The following SOCS4 variants were observed in gnomAD, a reference collection of about 807,000 sequenced individuals.
SOCS4 encodes the protein suppressor of cytokine signaling 4, also known as SH2 domain containing SOCS box protein.
In SOCS4, 20 loss-of-function variants were observed where a neutral mutation model predicts 34.1. That is an observed-to-expected ratio of 0.59 (90% CI 0.41 to 0.85). SOCS4 has a LOEUF of 0.85. Among genes scored for constraint, SOCS4 ranks in the 40% least tolerant of loss-of-function variants. The pLI, the probability that SOCS4 is intolerant of heterozygous loss-of-function variation, is 0.00. For synonymous variants in SOCS4, 180 were observed against 186.4 expected (o/e 0.97, Z 0.28); for missense variants, 479 against 532.4 (o/e 0.90, Z 0.99).
At chr14:55,042,852 A>G (rs1315476102) in intron 2 of SOCS4, 100 bp from the exon 3 acceptor site, 1 of 543,884 alleles carries the variant, frequency 1.8e-6, no homozygotes, top group Non-Finnish European at 3.2e-6. Flanking sequence ...TTTTTCATGT[A>G]CTAACTGTGC....
rs549701733 is a variant in SOCS4 at position 55,035,433 on chromosome 14, A to C, written c.-91+3442A>C. Among the ~76,000 whole-genome samples the C allele has an allele frequency of 2.0e-5, 3 of 152,300 alleles. No individual in the cohort carries two copies. The South Asian group carries it at 6.2e-4, about 32-fold the overall frequency. On this transcript the variant is annotated intron_variant, in intron 2 of 2. Transcript: ENST00000555846. ...TCTATGAGTTTCACCTGTATCTGAC[A>C]TGTGGATCCTTTTTCACTTTGAAAC...
At chr14:55,038,397 T>A (rs2042590923) in intron 2 of SOCS4, among the ~76,000 whole-genome samples, 1 of 152,220 alleles carries the variant, frequency 6.6e-6, no homozygotes. Context: ...TGTGGATATG[T>A]GTGCTTCACT....
chr14:55,029,868 A>G (rs1566752258), intron 1 of SOCS4, among the ~76,000 whole-genome samples: 1 of 152,186 alleles, frequency 6.6e-6, no homozygotes, highest in East Asian at 1.9e-4. Context: ...ATAAAAGGCA[A>G]TACAGTAAAA....
chr14:55,041,931 A>T (rs1471713753), intron 2 of SOCS4, among the ~76,000 whole-genome samples: 1 of 151,034 alleles, frequency 6.6e-6, no homozygotes, highest in Non-Finnish European at 1.5e-5. Flanking sequence ...AGCTGGGATT[A>T]CAGGCGTGCG....
chr14:55,029,308 G>A (rs1254782037), intron 1 of SOCS4, among the ~76,000 whole-genome samples: 1 of 152,148 alleles, frequency 6.6e-6, no homozygotes, highest in African/African-American at 2.4e-5. Flanking sequence ...ACTGATAGGA[G>A]TATCAAAAAT....
intron 1 of SOCS4, among the ~76,000 whole-genome samples, chr14:55,031,302 G>A (rs1047822106): frequency 2.0e-5 from 3 of 152,036 alleles, no homozygotes; most frequent in Non-Finnish European, 4.4e-5. Context: ...CTTATCTTTA[G>A]CTAATAAGCT....
chr14:55,044,195 TC>T lies in SOCS4; in HGVS notation c.1157del (p.Pro386LeufsTer30), dbSNP rs867122587. 1.9e-6 allele frequency: 3 copies of T among 1,613,984 alleles called. No homozygotes were observed. Among genetic ancestry groups the T allele is most frequent in the African/African-American group, 1.3e-5 (1 of 74,920 alleles). Reference protein sequence around the residue: ...PLLSTPLIRTFPFSLQHICRT... With the variant: ...PLLSTPLIRTXPFSLQHICRT... The stretch of plus-strand genomic sequence containing the variant: ...CTATCCACTCCCTTAATTCGGACTT[TC>T]CCTTTTTCCCTGCAGCATATATGCA... On this transcript the variant is annotated frameshift_variant, in exon 3 of 3. Coordinates refer to ENST00000555846, the MANE Select transcript of SOCS4 (RefSeq NM_199421.2). LOFTEE classifies it high-confidence loss of function.
intron 2 of SOCS4, among the ~76,000 whole-genome samples, chr14:55,035,131 G>T (rs1025704427): frequency 6.6e-6 from 1 of 152,164 alleles, no homozygotes. Flanking sequence ...AAAGTACTGG[G>T]ATTACAGACA....
chr14:55,043,772 GAAAC>G lies in SOCS4; in HGVS notation c.736_739del (p.Lys246ProfsTer44), dbSNP rs755412527. On this transcript the variant is annotated frameshift_variant, in exon 3 of 3. Coordinates refer to ENST00000555846, the MANE Select transcript of SOCS4 (RefSeq NM_199421.2). LOFTEE classifies it high-confidence loss of function. ...ACACTTTGCACAAGTTCCAGAAAAA[GAAAC>G]AAACCCAAATGGGATTTGGATGATG... is the stretch of plus-strand genomic sequence containing the variant. 1.1e-5 allele frequency: 17 copies of G among 1,613,934 alleles called. No homozygotes were observed. The highest frequency in any genetic ancestry group is 1.1e-5 in the Non-Finnish European group (13 of 1,180,016).
chr14:55,031,372 C>A (rs896138225), intron 1 of SOCS4, among the ~76,000 whole-genome samples: 11 of 152,170 alleles, frequency 7.2e-5, no homozygotes, highest in Non-Finnish European at 1.3e-4. Flanking sequence ...AACTTTCTTC[C>A]ACAAAAGGAT....
At position 55,043,889 on chromosome 14, in the gene SOCS4, A is replaced by G. The variant is rs1251004743; in HGVS notation, c.848A>G (p.Asn283Ser). The G allele has an allele frequency of 6.2e-7, 1 of 1,614,060 alleles. No individual in the cohort carries two copies. Among genetic ancestry groups the G allele is most frequent in the Non-Finnish European group, 8.5e-7 (1 of 1,180,028 alleles). The change falls in exon 3 of 3, where the codon AAC (asparagine) becomes AGC (serine). Residue 283 changes from asparagine to serine, a missense_variant. By Grantham distance (46) the Asn-to-Ser change is conservative (BLOSUM62 1). Transcript: ENST00000555846. ...CLVPDLLQIN[N>S]NPCYWGVMDK... is the part of the protein sequence containing the mutation. ...GTACCAGACCTCCTTCAGATCAATA[A>G]CAACCCATGTTACTGGGGAGTGATG...
At chr14:55,040,855 A>G (rs893583180) in intron 2 of SOCS4, among the ~76,000 whole-genome samples, 3 of 151,436 alleles carry the variant, frequency 2.0e-5, no homozygotes, top group Non-Finnish European at 4.4e-5. Flanking sequence ...ACCCATGGAT[A>G]TGGAGGGCTG....
chr14:55,034,177 A>G (rs2042552248), intron 2 of SOCS4, among the ~76,000 whole-genome samples: 1 of 152,200 alleles, frequency 6.6e-6, no homozygotes. Flanking sequence ...GAAAGTTAAT[A>G]AAGAAATGGA....
Position 55,044,995 on chromosome 14 carries a change from T to C in SOCS4, c.*631T>C, listed in dbSNP as rs2042661811. 6.0e-6 allele frequency: 1 copy of C among 167,020 alleles called. No individual in the cohort carries two copies. Among genetic ancestry groups the C allele is most frequent in the African/African-American group, 2.4e-5 (1 of 41,458 alleles). The allele number at this position is 167,020 out of a possible 1,614,324, so 10.3% of individuals were successfully genotyped here. A position where few individuals can be genotyped will look rare whatever the true frequency, so the allele number is the denominator to read the frequency against. On this transcript the variant is annotated 3_prime_UTR_variant, in exon 3 of 3. Coordinates refer to ENST00000555846, the MANE Select transcript of SOCS4 (RefSeq NM_199421.2). ...AATATTAACTCTAAAGCAGGATTAC[T>C]AAATTTGATTAATCTGGTCAATGAG...
rs1310583981 is a variant in SOCS4 at position 55,043,388 on chromosome 14, T to C, written c.347T>C (p.Leu116Pro). The change falls in exon 3 of 3, where the codon CTT becomes CCT. Residue 116 changes from leucine to proline, a missense_variant. Coordinates refer to ENST00000555846, the MANE Select transcript of SOCS4 (RefSeq NM_199421.2). ...TGTAGTAGTCGGCACTCTTCAGGGC[T>C]TCCGTCTAAAAGGAAAATTCATATC... ...KNCSSRHSSG[L>P]PSKRKIHISE... 6.2e-7 allele frequency: 1 copy of C among 1,614,210 alleles called. No homozygotes were observed. The highest frequency in any genetic ancestry group is 8.5e-7 in the Non-Finnish European group (1 of 1,180,046).
At chr14:55,033,789 A>G (rs2042548742) in intron 2 of SOCS4, among the ~76,000 whole-genome samples, 1 of 152,260 alleles carries the variant, frequency 6.6e-6, no homozygotes, top group Non-Finnish European at 1.5e-5. Context: ...AAAGTATTTT[A>G]AAGATTCTCT....
In SOCS4 at chr14:55,043,250, G is replaced by A. The variant is rs2140249239; in HGVS notation, c.209G>A (p.Ser70Asn). The A allele has an allele frequency of 6.2e-7, 1 of 1,614,236 alleles. No homozygotes were observed. The highest frequency in any genetic ancestry group is 8.5e-7 in the Non-Finnish European group (1 of 1,180,042). The change falls in exon 3 of 3, where the codon AGC becomes AAC. Residue 70 changes from serine to asparagine, a missense_variant. Physicochemically the swap from Ser to Asn is conservative, Grantham distance 46. Coordinates refer to ENST00000555846, the MANE Select transcript of SOCS4 (RefSeq NM_199421.2). ...TTAAGGAACCAAGAAAGGAAGCACAGCTGTTCATCCATTGAGTTGGACTTA... is the reference window on the plus strand; with the variant it reads ...TTAAGGAACCAAGAAAGGAAGCACAACTGTTCATCCATTGAGTTGGACTTA... ...VSLRNQERKH[S>N]CSSIELDLDH...
Position 55,043,994 on chromosome 14 carries a change from A to G in SOCS4, c.953A>G (p.Tyr318Cys), listed in dbSNP as rs763248400. The G allele has an allele frequency of 3.1e-6, 5 of 1,614,132 alleles. No individual in the cohort carries two copies. Among genetic ancestry groups the G allele is most frequent in the South Asian group, 2.2e-5 (2 of 91,080 alleles). ...CTTCGAGACTCAGCACAGGAAGACTATTTATTCTCTGTTAGTTTTAGACGC... is the reference window on the plus strand; with the variant it reads ...CTTCGAGACTCAGCACAGGAAGACTGTTTATTCTCTGTTAGTTTTAGACGC... Reference protein sequence around the residue: ...FLLRDSAQEDYLFSVSFRRYS... With the variant: ...FLLRDSAQEDCLFSVSFRRYS... Residue 318 changes from tyrosine to cysteine, a missense_variant, in exon 3 of 3, where the codon TAT (tyrosine) becomes TGT (cysteine). Transcript: ENST00000555846.
At chr14:55,030,701 A>G (rs1028982997) in intron 1 of SOCS4, among the ~76,000 whole-genome samples, 1 of 152,156 alleles carries the variant, frequency 6.6e-6, no homozygotes, top group African/African-American at 2.4e-5. Context: ...GGTAGCTGGC[A>G]TTATCCAGAT....
Sources: allele counts gnomAD v4.1 joint callset (sites outside exome capture counted in the v4.1 genomes callset), GRCh38; gene constraint gnomAD v4.1.1; transcripts MANE v1.5; gene names NCBI Gene and HGNC (gene_info 2026-07-23, HGNC 2026-07-21).